CCDC141: variants seen among roughly 807,000 people sequenced by gnomAD.
The protein encoded by CCDC141 is coiled-coil domain-containing protein 141.
A neutral mutation model predicts 181.0 loss-of-function variants in CCDC141; 168 were observed. The observed-to-expected ratio is 0.93, with a 90% CI of 0.82 to 1.05. CCDC141 has a LOEUF of 1.05. Ranked by LOEUF, CCDC141 falls within the 50% of genes least tolerant of loss-of-function variation. The pLI, the probability that CCDC141 is intolerant of heterozygous loss-of-function variation, is 0.00. For synonymous variants in CCDC141, 666 were observed against 642.3 expected, an observed-to-expected ratio of 1.04 and a Z score of -0.56; for missense variants, 1,902 against 1,788.5, an observed-to-expected ratio of 1.06 and a Z score of -1.14.
At chr2:178,861,199 C>T (rs578094299) in intron 17 of CCDC141, among the ~76,000 whole-genome samples, 38 of 151,830 alleles carry the variant, frequency 2.5e-4, no homozygotes, top group Admixed American at 4.6e-4. Context: ...TAGAGTCTCA[C>T]TCTCTTGTCC....
intron 2 of CCDC141, among the ~76,000 whole-genome samples, chr2:178,999,453 A>G (rs1471539888): frequency 1.3e-5 from 2 of 152,058 alleles, no homozygotes; most frequent in South Asian, 2.1e-4. Context: ...CTCTAGGTTC[A>G]CCCTCACCCA....
At chr2:178,867,096 T>G (rs917141071) in intron 16 of CCDC141, among the ~76,000 whole-genome samples, 3 of 152,246 alleles carry the variant, frequency 2.0e-5, no homozygotes, top group Non-Finnish European at 4.4e-5. Context: ...GCCTCTCTTT[T>G]GAAGTCCGAC....
chr2:178,817,785 T>TC, the CCDC141 span: 538 of 260,090 alleles, frequency 2.1e-3, 7 homozygotes, highest in African/African-American at 9.9e-3. Flanking sequence ...CTCCCTTCCT[T>TC]CCTTCCTTCC....
Position 179,050,086 on chromosome 2 carries a change from G to T in CCDC141, c.-145C>A. Reference sequence around the variant, plus strand: ...ATTACTCTGCCAAAAGGAAAGAACAGGAGGTTAAAAATAGACAACCCCATT... The same window carrying T: ...ATTACTCTGCCAAAAGGAAAGAACATGAGGTTAAAAATAGACAACCCCATT... On this transcript the variant is annotated 5_prime_UTR_variant, in exon 1 of 24. It adds an upstream start codon to the 5' untranslated region. Transcript: ENST00000443758. 2 of 1,313,918 alleles carry T rather than the reference G, an allele frequency of 1.5e-6. No homozygotes were observed. Among genetic ancestry groups the T allele is most frequent in the African/African-American group, 1.5e-5 (1 of 67,234 alleles). The allele number at this position is 1,313,918 out of a possible 1,614,324, so 81.4% of individuals were successfully genotyped here.
intron 4 of CCDC141, among the ~76,000 whole-genome samples, chr2:178,971,789 G>T (rs1359216568): frequency 6.6e-6 from 1 of 152,118 alleles, no homozygotes; most frequent in Non-Finnish European, 1.5e-5. Flanking sequence ...CATGGATGAA[G>T]CTGGAAACCA....
At chr2:178,824,711 C>G in the CCDC141 span, among the ~76,000 whole-genome samples, 5 of 150,854 alleles carry the variant, frequency 3.3e-5, no homozygotes, top group African/African-American at 1.2e-4. Context: ...CAGGAACATC[C>G]TGTTAAACCT....
chr2:178,922,373 A>G (rs141805263), intron 6 of CCDC141, among the ~76,000 whole-genome samples: 2,129 of 152,026 alleles, frequency 0.014, 23 homozygotes, highest in Middle Eastern at 0.027. Context: ...AGGTAGTTTG[A>G]CTCTACAATC....
intron 2 of CCDC141, among the ~76,000 whole-genome samples, chr2:179,044,965 G>GT (rs2043440385): frequency 1.2e-5 from 1 of 85,454 alleles, no homozygotes; most frequent in African/African-American, 3.6e-5. Flanking sequence ...TCATAATGGG[G>GT]TTTTTCTTTT....
chr2:179,009,756 C>A (rs958290619), intron 2 of CCDC141, among the ~76,000 whole-genome samples: 1 of 151,600 alleles, frequency 6.6e-6, no homozygotes, highest in Non-Finnish European at 1.5e-5. Context: ...TTGGCCTCCC[C>A]AAAAAATCAC....
At chr2:178,860,785 T>C (rs1175412913) in intron 17 of CCDC141, among the ~76,000 whole-genome samples, 1 of 151,928 alleles carries the variant, frequency 6.6e-6, no homozygotes, top group Non-Finnish European at 1.5e-5. Context: ...TGGGATAACT[T>C]GGGAAGACGT....
rs866629298 is a variant in CCDC141, at chr2:178,832,511, G to C, written c.*1662C>G. 3.0e-5 allele frequency: 4 copies of C among 132,126 alleles called. No individual in the cohort carries two copies. The Middle Eastern group carries it at 0.013, about 427-fold the overall frequency. 8.2% of individuals were successfully genotyped at this position (132,126 alleles called of 1,614,324 possible). A position where few individuals can be genotyped will look rare whatever the true frequency, so the allele number is the denominator to read the frequency against. On this transcript the variant is annotated 3_prime_UTR_variant, in exon 24 of 24. Transcript: ENST00000443758. ...AAAAAAACAAAAAAAAGATAGTTAAGAGAAATTTCCTAGAATGCTGTGTAT... is the reference window on the plus strand; with the variant it reads ...AAAAAAACAAAAAAAAGATAGTTAACAGAAATTTCCTAGAATGCTGTGTAT...
chr2:178,859,191 C>T (rs1427869849), intron 17 of CCDC141, among the ~76,000 whole-genome samples: 1 of 152,208 alleles, frequency 6.6e-6, no homozygotes, highest in Non-Finnish European at 1.5e-5. Context: ...AACTAAATCT[C>T]TGTGCCTTTT....
rs542337210 is a variant in CCDC141, at chr2:178,912,853, T to C, written c.1092+5860A>G. Among the ~76,000 whole-genome samples, 44 of 152,340 alleles carry C rather than the reference T, an allele frequency of 2.9e-4. 1 individual carries two copies. In the South Asian group the frequency reaches 9.1e-3, roughly 32 times the overall value. ...TGAATTATCTTAGGTTCCCCAAACA[T>C]GGCATGACTTTGTACCATCCAGCCC... On this transcript the variant is annotated intron_variant, in intron 7 of 23. Transcript: ENST00000443758.
chr2:178,862,741 A>C (rs1391495261), intron 17 of CCDC141, among the ~76,000 whole-genome samples: 2 of 152,226 alleles, frequency 1.3e-5, no homozygotes, highest in Non-Finnish European at 2.9e-5. Flanking sequence ...GAAATTGGAA[A>C]AAAATGGTTT....
rs576285281 is a variant in CCDC141, at chr2:178,874,635, C to G, written c.1900-2323G>C. 5 of 152,288 alleles carry G rather than the reference C, an allele frequency of 3.3e-5. No homozygotes were observed. In the South Asian group the frequency reaches 1.0e-3, roughly 32 times the overall value. 9.4% of individuals were successfully genotyped at this position (152,288 alleles called of 1,614,324 possible). A position where few individuals can be genotyped will look rare whatever the true frequency, so the allele number is the denominator to read the frequency against. ...AGCTGGGTAAAATGCAGAAGGAATC[C>G]ATTTGAAGGAAGCAGAGAACTGGTC... is the stretch of plus-strand genomic sequence containing the variant. On this transcript the variant is annotated intron_variant, in intron 12 of 23. Transcript: ENST00000443758.
At chr2:178,850,856 T>A (rs973894109) in intron 20 of CCDC141, among the ~76,000 whole-genome samples, 5 of 152,248 alleles carry the variant, frequency 3.3e-5, no homozygotes, top group Non-Finnish European at 7.3e-5. Context: ...CTCAATGTAA[T>A]CCTTGGATAG....
In CCDC141 at chr2:179,045,523, A is replaced by G. The variant is rs2043467214; in HGVS notation, c.225+1761T>C. On this transcript the variant is annotated intron_variant, in intron 2 of 23. Transcript: ENST00000443758. ...ATGATTTATAGTCCTTTGGGTATGTACCCAGTAATGGGATGGCTGGGTCAA... is the reference window on the plus strand; with the variant it reads ...ATGATTTATAGTCCTTTGGGTATGTGCCCAGTAATGGGATGGCTGGGTCAA... Among the ~76,000 whole-genome samples the G allele has an allele frequency of 2.0e-5, 3 of 152,090 alleles. No homozygotes were observed. The South Asian group carries it at 6.2e-4, about 32-fold the overall frequency.
At chr2:178,850,355 A>T (rs1208462694) in intron 20 of CCDC141, among the ~76,000 whole-genome samples, 194 bp from the exon 21 acceptor site, 1 of 152,232 alleles carries the variant, frequency 6.6e-6, no homozygotes, top group Non-Finnish European at 1.5e-5. Context: ...AAATGATTAC[A>T]TTTGCTGTAC....
At chr2:178,856,501 A>G (rs1685394041) in intron 17 of CCDC141, 104 bp from the exon 18 acceptor site, 2 of 828,534 alleles carry the variant, frequency 2.4e-6, no homozygotes, top group African/African-American at 1.7e-5. Flanking sequence ...TCATAATCTT[A>G]AAAAGGTATT....
Sources: gnomAD v4.1 joint callset for allele counts (sites outside exome capture counted in the v4.1 genomes callset) on GRCh38, gnomAD v4.1.1 for gene constraint, MANE v1.5 for transcripts, NCBI Gene and HGNC (gene_info 2026-07-23, HGNC 2026-07-21) for gene names.